ATP8A2: variants seen among roughly 807,000 people sequenced by gnomAD.
The protein encoded by ATP8A2 is ATPase phospholipid transporting 8A2, also known as phospholipid-transporting ATPase IB.
A neutral mutation model predicts 165.6 loss-of-function variants in ATP8A2; 100 were observed. The ratio of observed to expected loss-of-function variants is 0.60; its 90% CI spans 0.51 to 0.71. The LOEUF is 0.71. Among genes scored for constraint, ATP8A2 ranks in the 30% least tolerant of loss-of-function variants. ATP8A2 has a pLI of 0.00. For missense variants in ATP8A2, 1,227 were observed against 1,479.5 expected (o/e 0.83, Z 2.80); for synonymous variants, 543 against 548.8 (o/e 0.99, Z 0.15).
chr13:25,622,954 G>C (rs906661431), intron 24 of ATP8A2, among the ~76,000 whole-genome samples: 2 of 152,064 alleles, frequency 1.3e-5, no homozygotes, highest in Admixed American at 1.3e-4. Context: ...TTTTAGAATT[G>C]GTGTTTAAGT....
At chr13:25,621,303 T>A (rs141154240) in intron 24 of ATP8A2, among the ~76,000 whole-genome samples, 1 of 152,346 alleles carries the variant, frequency 6.6e-6, no homozygotes, top group Non-Finnish European at 1.5e-5. Context: ...GATTTCATCA[T>A]CTCTGGGCTG....
chr13:25,965,094 G>A (rs1456585144), intron 34 of ATP8A2, among the ~76,000 whole-genome samples: 1 of 152,214 alleles, frequency 6.6e-6, no homozygotes, highest in African/African-American at 2.4e-5. Flanking sequence ...AGGAGGCAGA[G>A]GTTGCAGTGA....
chr13:25,853,043 C>T (rs541161076), intron 30 of ATP8A2, among the ~76,000 whole-genome samples: 1 of 152,098 alleles, frequency 6.6e-6, no homozygotes, highest in African/African-American at 2.4e-5. Context: ...ATTAAAGGAG[C>T]TAATATGTGT....
At chr13:25,874,497 G>T (rs1233350466) in intron 33 of ATP8A2, among the ~76,000 whole-genome samples, 1 of 152,210 alleles carries the variant, frequency 6.6e-6, no homozygotes, top group African/African-American at 2.4e-5. Context: ...ACATACTAAT[G>T]TATGAGGTGT....
At chr13:25,800,713 G>A (rs1328690887) in intron 27 of ATP8A2, among the ~76,000 whole-genome samples, 2 of 152,104 alleles carry the variant, frequency 1.3e-5, no homozygotes, top group Middle Eastern at 3.2e-3. Context: ...CATGCTGAGT[G>A]TTTCCATCTC....
chr13:25,814,418 C>A (rs941243339), intron 27 of ATP8A2, among the ~76,000 whole-genome samples: 2 of 151,944 alleles, frequency 1.3e-5, no homozygotes, highest in Non-Finnish European at 2.9e-5. Flanking sequence ...CCCAGTGGAT[C>A]CCCAAATAGC....
intron 24 of ATP8A2, among the ~76,000 whole-genome samples, chr13:25,663,338 C>T (rs2042089001): frequency 6.6e-6 from 1 of 152,182 alleles, no homozygotes; most frequent in Non-Finnish European, 1.5e-5. Context: ...TGCTGTTTCC[C>T]TACAGTTTGA....
At chr13:25,866,996 T>G (rs369817964) in intron 33 of ATP8A2, among the ~76,000 whole-genome samples, 2 of 152,184 alleles carry the variant, frequency 1.3e-5, no homozygotes, top group African/African-American at 4.8e-5. Flanking sequence ...TTCTCCTCAC[T>G]AACTTTTGCT....
chr13:25,564,098 T>G lies in ATP8A2; in HGVS notation c.1473+67T>G, dbSNP rs189770752. 2,938 of 1,150,954 alleles carry G rather than the reference T, an allele frequency of 2.6e-3. 11 individuals are homozygous for G. Among genetic ancestry groups the G allele is most frequent in the Non-Finnish European group, 3.2e-3 (2,458 of 760,316 alleles). The allele number at this position is 1,150,954 out of a possible 1,614,324, so 71.3% of individuals were successfully genotyped here. On this transcript the variant is annotated intron_variant, in intron 16 of 36. Transcript: ENST00000381655. ...GGTGCAACTTTCTTTTATATATGCA[T>G]GTAGTATTTTGCAAGTTGCAGTTTT...
intron 24 of ATP8A2, among the ~76,000 whole-genome samples, chr13:25,672,958 G>T (rs2042298392): frequency 6.6e-6 from 1 of 152,140 alleles, no homozygotes; most frequent in Non-Finnish European, 1.5e-5. Context: ...ATAAGGGATT[G>T]GTGGAAAAGA....
At chr13:25,519,503 A>G (rs2037591037) in intron 2 of ATP8A2, among the ~76,000 whole-genome samples, 1 of 152,090 alleles carries the variant, frequency 6.6e-6, no homozygotes, top group South Asian at 2.1e-4. Flanking sequence ...GGGCTCAGGA[A>G]ATATCTATTG....
At position 25,619,083 on chromosome 13, in the gene ATP8A2, T is replaced by A. The variant is rs141852023; in HGVS notation, c.2211+29384T>A. On this transcript the variant is annotated intron_variant, in intron 24 of 36. Transcript: ENST00000381655. ...TTGAAGAAAGGAGAGTAAGGGATTCTCAGGTAAACTGAAGGAGAGCAGGAA... is the reference window on the plus strand; with the variant it reads ...TTGAAGAAAGGAGAGTAAGGGATTCACAGGTAAACTGAAGGAGAGCAGGAA... Among the ~76,000 whole-genome samples the A allele has an allele frequency of 5.3e-5, 8 of 152,332 alleles. 1 individual carries two copies. The highest frequency in any genetic ancestry group is 1.9e-4 in the African/African-American group (8 of 41,582).
intron 30 of ATP8A2, among the ~76,000 whole-genome samples, chr13:25,849,923 A>G (rs539846299): frequency 1.3e-5 from 2 of 152,338 alleles, no homozygotes; most frequent in African/African-American, 2.4e-5. Context: ...TTAGGTTTGT[A>G]TCACATGCAA....
At chr13:25,482,083 A>G (rs942200200) in intron 2 of ATP8A2, among the ~76,000 whole-genome samples, 1 of 152,144 alleles carries the variant, frequency 6.6e-6, no homozygotes, top group Non-Finnish European at 1.5e-5. Flanking sequence ...GTGTCAGTGC[A>G]TTTAATAAAT....
intron 35 of ATP8A2, among the ~76,000 whole-genome samples, chr13:25,984,620 AC>A (rs1956238414): frequency 6.7e-6 from 1 of 149,076 alleles, no homozygotes; most frequent in African/African-American, 2.6e-5. Context: ...ACAAACAAAA[AC>A]AACAAACAAA....
chr13:25,510,967 C>G (rs1021419014), intron 2 of ATP8A2, among the ~76,000 whole-genome samples: 8 of 152,176 alleles, frequency 5.3e-5, no homozygotes, highest in African/African-American at 1.9e-4. Flanking sequence ...TCTCCCATCC[C>G]AGTCCTGTTC....
intron 24 of ATP8A2, among the ~76,000 whole-genome samples, chr13:25,593,067 G>GC (rs2040134157): frequency 6.6e-6 from 1 of 152,104 alleles, no homozygotes. Flanking sequence ...TCCCTCTCAT[G>GC]CTTTAGTTGG....
At chr13:25,508,071 C>CT (rs2037106974) in intron 2 of ATP8A2, among the ~76,000 whole-genome samples, 2 of 151,490 alleles carry the variant, frequency 1.3e-5, no homozygotes, top group Non-Finnish European at 2.9e-5. Flanking sequence ...TGACATAAGA[C>CT]AGTACTGTAA....
intron 1 of ATP8A2, among the ~76,000 whole-genome samples, chr13:25,377,663 G>T (rs1397316168): frequency 6.6e-6 from 1 of 152,068 alleles, no homozygotes; most frequent in Non-Finnish European, 1.5e-5. Flanking sequence ...GTAATGGTGC[G>T]TGCCTGTAAT....
Sources: gnomAD v4.1 joint callset for allele counts (sites outside exome capture counted in the v4.1 genomes callset) on GRCh38, gnomAD v4.1.1 for gene constraint, MANE v1.5 for transcripts, NCBI Gene and HGNC (gene_info 2026-07-23, HGNC 2026-07-21) for gene names.